TMEM120B: variants seen among roughly 807,000 people sequenced by gnomAD.
TMEM120B encodes transmembrane protein 120B.
TMEM120B carries 31 observed loss-of-function variants against 55.5 expected under a neutral mutation model. The observed-to-expected ratio is 0.56, with a 90% CI of 0.42 to 0.75. The LOEUF (loss-of-function observed/expected upper bound fraction) is 0.75. Ranked by LOEUF, TMEM120B falls within the 30% of genes least tolerant of loss-of-function variation. The pLI, the probability that TMEM120B is intolerant of heterozygous loss-of-function variation, is 0.00. For missense variants in TMEM120B, 399 were observed against 425.5 expected (o/e 0.94, Z 0.55); for synonymous variants, 203 against 176.3 (o/e 1.15, Z -1.20).
intron 1 of TMEM120B, among the ~76,000 whole-genome samples, chr12:121,729,822 CAGAAA>C (rs1041502154): frequency 6.6e-6 from 1 of 152,046 alleles, no homozygotes; most frequent in African/African-American, 2.4e-5. Context: ...AGCGGGGTTT[CAGAAA>C]GATATTTGTA....
At chr12:121,750,733 A>G (rs896115254) in intron 4 of TMEM120B, among the ~76,000 whole-genome samples, 2 of 105,226 alleles carry the variant, frequency 1.9e-5, no homozygotes, top group African/African-American at 7.5e-5. Context: ...CCCTACACCC[A>G]CACCCCATAC....
Position 121,750,899 on chromosome 12 carries a change from ACCCACAC to A in TMEM120B, c.365+477_365+483del, listed in dbSNP as rs551658365. On this transcript the variant is annotated intron_variant, in intron 4 of 11. Transcript: ENST00000449592. ...CCACACACCACACCCCACATCCCAC[ACCCACAC>A]CCCACACCCCACACCCACACCTCAC... Among the ~76,000 whole-genome samples, 398 of 48,916 alleles carry A rather than the reference ACCCACAC, an allele frequency of 8.1e-3. 5 individuals are homozygous for A. Among genetic ancestry groups the A allele is most frequent in the Middle Eastern group, 0.014 (1 of 70 alleles). 32.1% of individuals were successfully genotyped at this position (48,916 alleles called of 152,430 possible).
rs1231801070 is a variant in TMEM120B at position 121,743,759 on chromosome 12, T to G, written c.188+12T>G. The G allele has an allele frequency of 6.3e-7, 1 of 1,593,426 alleles. No homozygotes were observed. Among genetic ancestry groups the G allele is most frequent in the African/African-American group, 1.3e-5 (1 of 74,572 alleles). ...CTTACACTCCAGAGGTAGGTGCAGC[T>G]GTAGCCCGGGGGCTGCCCTGGTTCT... On this transcript the variant is annotated intron_variant, in intron 2 of 11. Coordinates refer to ENST00000449592, the MANE Select transcript of TMEM120B (RefSeq NM_001080825.2).
chr12:121,712,814 G>T lies in TMEM120B; in HGVS notation c.-82G>T. Reference sequence around the variant, plus strand: ...GTGCCTCCGAGGGCGGTCGGCGAGCGCGCGGGCGTGGGGCGCTGGGGGGCC... The same window carrying T: ...GTGCCTCCGAGGGCGGTCGGCGAGCTCGCGGGCGTGGGGCGCTGGGGGGCC... On this transcript the variant is annotated 5_prime_UTR_variant, in exon 1 of 12. Coordinates refer to ENST00000449592, the MANE Select transcript of TMEM120B (RefSeq NM_001080825.2). 4 of 1,082,278 alleles carry T rather than the reference G, an allele frequency of 3.7e-6. No individual in the cohort carries two copies. The highest frequency in any genetic ancestry group is 3.6e-6 in the Non-Finnish European group (3 of 837,140). The allele number at this position is 1,082,278 out of a possible 1,614,324, so 67.0% of individuals were successfully genotyped here.
intron 1 of TMEM120B, among the ~76,000 whole-genome samples, chr12:121,737,481 G>A (rs1376035391): frequency 1.3e-5 from 2 of 152,068 alleles, no homozygotes; most frequent in African/African-American, 4.8e-5. Context: ...CTCCAGCGTG[G>A]GTGACAGAGC....
At chr12:121,763,258 G>T (rs1873739950) in intron 6 of TMEM120B, among the ~76,000 whole-genome samples, 1 of 147,054 alleles carries the variant, frequency 6.8e-6, no homozygotes, top group South Asian at 2.2e-4. Context: ...CGCCTCCCGG[G>T]TTCACGCCAT....
intron 1 of TMEM120B, among the ~76,000 whole-genome samples, chr12:121,725,046 A>G (rs974265204): frequency 8.5e-5 from 13 of 152,176 alleles, no homozygotes; most frequent in African/African-American, 2.9e-4. Flanking sequence ...TCTTGGATGA[A>G]TAAGTGTCTT....
At chr12:121,719,922 A>G (rs1894765232) in intron 1 of TMEM120B, among the ~76,000 whole-genome samples, 1 of 151,762 alleles carries the variant, frequency 6.6e-6, no homozygotes. Flanking sequence ...CTGGTCTCGA[A>G]CTCCTGACCT....
intron 1 of TMEM120B, among the ~76,000 whole-genome samples, chr12:121,723,578 C>G (rs1381928361): frequency 6.6e-6 from 1 of 152,154 alleles, no homozygotes; most frequent in Non-Finnish European, 1.5e-5. Flanking sequence ...CCCAGCCTCT[C>G]TCTTCTCCCG....
Position 121,748,372 on chromosome 12 carries a change from A to T in TMEM120B, c.235A>T (p.Met79Leu), listed in dbSNP as rs753745084. The change falls in exon 3 of 12, where the codon ATG becomes TTG. Residue 79 changes from methionine to leucine, a missense_variant. This residue lies in a region of TMEM120B where 133 missense variants were observed against 104.1 expected (regional missense o/e 1.28). Coordinates refer to ENST00000449592, the MANE Select transcript of TMEM120B (RefSeq NM_001080825.2). ...GGAGGAGGCGGAGCTCGTTCAGCAG[A>T]TGGCAGCGAACATCAAGGAGCGGCA... Reference protein sequence around the residue: ...SREEAELVQQMAANIKERQDV... With the variant: ...SREEAELVQQLAANIKERQDV... 1.2e-5 allele frequency: 19 copies of T among 1,610,922 alleles called. No individual in the cohort carries two copies. The highest frequency in any genetic ancestry group is 1.6e-5 in the Non-Finnish European group (19 of 1,178,660).
At chr12:121,771,573 G>C in intron 8 of TMEM120B, 24 bp downstream of exon 8, 1 of 1,610,372 alleles carries the variant, frequency 6.2e-7, no homozygotes, top group South Asian at 1.1e-5. Context: ...GCCTGGATTT[G>C]GGGGAAGGGA....
intron 1 of TMEM120B, among the ~76,000 whole-genome samples, chr12:121,718,519 T>C (rs971625991): frequency 2.6e-5 from 4 of 151,842 alleles, no homozygotes; most frequent in African/African-American, 4.8e-5. Context: ...AATAAATGAA[T>C]GAGTGAATGA....
chr12:121,742,783 G>A (rs934452826), intron 1 of TMEM120B, among the ~76,000 whole-genome samples: 3 of 152,020 alleles, frequency 2.0e-5, no homozygotes, highest in African/African-American at 7.2e-5. Flanking sequence ...TTGCCATGTT[G>A]GCCAGGCTGG....
intron 1 of TMEM120B, among the ~76,000 whole-genome samples, chr12:121,737,847 TAA>T (rs1872800188): frequency 6.6e-6 from 1 of 151,688 alleles, no homozygotes; most frequent in East Asian, 1.9e-4. Context: ...CCATCTCTAC[TAA>T]AAATACAAAA....
At chr12:121,716,565 CTTTT>C (rs56037685) in intron 1 of TMEM120B, among the ~76,000 whole-genome samples, 1 of 124,814 alleles carries the variant, frequency 8.0e-6, no homozygotes. Context: ...TTTTTTCTTT[CTTTT>C]TTTTTTTTTT....
chr12:121,725,555 G>C (rs1327208540), intron 1 of TMEM120B, among the ~76,000 whole-genome samples: 1 of 151,978 alleles, frequency 6.6e-6, no homozygotes, highest in Non-Finnish European at 1.5e-5. Context: ...CATTATTCAC[G>C]ATACAGTAAC....
intron 1 of TMEM120B, among the ~76,000 whole-genome samples, chr12:121,724,672 G>A (rs1386535358): frequency 6.7e-6 from 1 of 150,322 alleles, no homozygotes; most frequent in East Asian, 2.0e-4. Context: ...ATGCAGTCGC[G>A]CAATCTCGAC....
chr12:121,745,295 T>C (rs1043691540), intron 2 of TMEM120B, among the ~76,000 whole-genome samples: 4 of 152,328 alleles, frequency 2.6e-5, no homozygotes, highest in Non-Finnish European at 4.4e-5. Context: ...CAGACCATGA[T>C]TGGTCGACTG....
intron 5 of TMEM120B, chr12:121,758,313 G>C: frequency 1.0e-6 from 1 of 985,492 alleles, no homozygotes; most frequent in Non-Finnish European, 1.2e-6. Context: ...ACAGCGGTCT[G>C]CCGGCCCTCC....
Sources: allele counts gnomAD v4.1 joint callset (sites outside exome capture counted in the v4.1 genomes callset), GRCh38; gene constraint gnomAD v4.1.1; regional missense constraint gnomAD v4.1.1; transcripts MANE v1.5; gene names NCBI Gene and HGNC (gene_info 2026-07-23, HGNC 2026-07-21).